The following AFG2A variants were observed in gnomAD, a reference collection of about 807,000 sequenced individuals.
The protein encoded by AFG2A is AAA ATPase AFG2A, also known as ATPase family gene 2 protein homolog A.
At chr4:123,261,962 T>C in the AFG2A span, among the ~76,000 whole-genome samples, 1 of 150,336 alleles carries the variant, frequency 6.7e-6, no homozygotes, top group East Asian at 1.9e-4. Flanking sequence ...TTAAAAAAAT[T>C]TGTAGACATT....
At chr4:123,080,243 A>G in the AFG2A span, among the ~76,000 whole-genome samples, 3,770 of 152,296 alleles carry the variant, frequency 0.025, 121 homozygotes, top group South Asian at 0.11. Flanking sequence ...TGCCTTTATA[A>G]CAGGAGATAG....
At chr4:122,951,225 A>C in the AFG2A span, among the ~76,000 whole-genome samples, 2 of 152,206 alleles carry the variant, frequency 1.3e-5, no homozygotes, top group Non-Finnish European at 2.9e-5. Context: ...TAGTAGCCAC[A>C]TGGTGAGTCC....
chr4:123,067,402 A>G, the AFG2A span, among the ~76,000 whole-genome samples: 2 of 152,040 alleles, frequency 1.3e-5, no homozygotes, highest in Admixed American at 1.3e-4. Context: ...CTGTAGTCCC[A>G]GCTACTCGAG....
the AFG2A span, among the ~76,000 whole-genome samples, chr4:123,112,176 G>A: frequency 6.6e-6 from 1 of 152,064 alleles, no homozygotes. Context: ...CCCTTTGAGT[G>A]GAAACTACTC....
At chr4:123,209,344 G>A in the AFG2A span, among the ~76,000 whole-genome samples, 8 of 152,244 alleles carry the variant, frequency 5.3e-5, no homozygotes, top group Admixed American at 4.6e-4. Context: ...TGGTAGTAGG[G>A]AGAAATCCCC....
At chr4:123,265,331 TG>T in the AFG2A span, among the ~76,000 whole-genome samples, 9 of 152,110 alleles carry the variant, frequency 5.9e-5, no homozygotes, top group Admixed American at 5.9e-4. Context: ...AACTCTTTGT[TG>T]GGAAAATAAA....
the AFG2A span, chr4:123,090,552 T>C: frequency 1.2e-6 from 2 of 1,612,556 alleles, no homozygotes; most frequent in Non-Finnish European, 1.7e-6. Context: ...AGTAAAGATA[T>C]TTTTTAAACC....
the AFG2A span, among the ~76,000 whole-genome samples, chr4:123,301,836 A>G: frequency 6.6e-6 from 1 of 152,226 alleles, no homozygotes; most frequent in East Asian, 1.9e-4. Flanking sequence ...AGGCCAGCCT[A>G]CACCAGATTG....
the AFG2A span, among the ~76,000 whole-genome samples, chr4:123,298,104 C>CGT: frequency 4.9e-5 from 3 of 60,884 alleles, no homozygotes; most frequent in Admixed American, 3.8e-4. Flanking sequence ...TGCATGCGTG[C>CGT]ATACACATAC....
the AFG2A span, among the ~76,000 whole-genome samples, chr4:123,062,513 C>G: frequency 6.6e-6 from 1 of 152,044 alleles, no homozygotes; most frequent in Non-Finnish European, 1.5e-5. Context: ...GTTACTGTTA[C>G]TTAATCATAC....
chr4:123,264,551 A>G, the AFG2A span, among the ~76,000 whole-genome samples: 1 of 152,126 alleles, frequency 6.6e-6, no homozygotes, highest in Non-Finnish European at 1.5e-5. Context: ...TGGCTAAAAT[A>G]TGGCTCTCTG....
chr4:123,072,189 C>T, the AFG2A span, among the ~76,000 whole-genome samples: 6 of 152,146 alleles, frequency 3.9e-5, no homozygotes, highest in Non-Finnish European at 8.8e-5. Context: ...GCCCTCACAG[C>T]AGTATTTACC....
At chr4:123,180,978 C>CTTTTTTTTTTTTTTTTTTTTTTT in the AFG2A span, among the ~76,000 whole-genome samples, 1 of 118,366 alleles carries the variant, frequency 8.4e-6, no homozygotes. Flanking sequence ...TCCTCCCCCT[C>CTTTTTTTTTTTTTTTTTTTTTTT]TTTTTTTTTT....
chr4:123,154,813 C>G, the AFG2A span, among the ~76,000 whole-genome samples: 1 of 152,056 alleles, frequency 6.6e-6, no homozygotes, highest in Admixed American at 6.6e-5. Flanking sequence ...AAATGTAACA[C>G]GTATTGTTAA....
the AFG2A span, among the ~76,000 whole-genome samples, chr4:123,176,442 T>G: frequency 7.2e-5 from 11 of 152,160 alleles, no homozygotes; most frequent in African/African-American, 2.7e-4. Flanking sequence ...ATCTTAAAAA[T>G]GTAGTAGTGA....
chr4:123,048,919 G>A, the AFG2A span, among the ~76,000 whole-genome samples: 2 of 152,208 alleles, frequency 1.3e-5, no homozygotes, highest in Middle Eastern at 3.4e-3. Context: ...AGTGGTGAAA[G>A]TGGACATCTT....
the AFG2A span, among the ~76,000 whole-genome samples, chr4:123,130,518 A>C: frequency 0.46 from 69,528 of 152,010 alleles, 19,462 homozygotes; most frequent in Non-Finnish European, 0.61. Context: ...GTAATCATGC[A>C]CATGTCATCT....
the AFG2A span, among the ~76,000 whole-genome samples, chr4:123,282,508 G>A: frequency 2.0e-5 from 3 of 152,146 alleles, no homozygotes. Flanking sequence ...TATAACATGA[G>A]TGATTGGTCC....
the AFG2A span, among the ~76,000 whole-genome samples, chr4:123,134,497 A>G: frequency 4.9e-4 from 73 of 150,086 alleles, no homozygotes; most frequent in Non-Finnish European, 8.3e-4. Flanking sequence ...TTTGCAGTAT[A>G]TTTTATAATC....
Sources: gnomAD v4.1 joint callset for allele counts (sites outside exome capture counted in the v4.1 genomes callset) on GRCh38, gnomAD v4.1.1 for gene constraint, MANE v1.5 for transcripts, NCBI Gene and HGNC (gene_info 2026-07-23, HGNC 2026-07-21) for gene names.